The following HTRA1 variants were observed in gnomAD, a reference collection of about 807,000 sequenced individuals.
HTRA1 encodes the protein HtrA serine peptidase 1, also known as serine protease HTRA1.
In HTRA1, 26 loss-of-function variants were observed where a neutral mutation model predicts 49.7. The observed-to-expected ratio is 0.52, with a 90% CI of 0.38 to 0.73. The LOEUF (loss-of-function observed/expected upper bound fraction) is 0.73, where lower values mean the gene tolerates loss of function less well. Ranked by LOEUF, HTRA1 falls within the 30% of genes least tolerant of loss-of-function variation. The pLI is 0.00. For missense variants in HTRA1, 561 were observed against 667.2 expected (o/e 0.84, Z 1.75); for synonymous variants, 291 against 286.9 (o/e 1.01, Z -0.14).
At chr10:122,484,836 A>T (rs967998264) in intron 1 of HTRA1, among the ~76,000 whole-genome samples, 4 of 152,226 alleles carry the variant, frequency 2.6e-5, no homozygotes, top group Non-Finnish European at 4.4e-5. Context: ...CTGATAGACG[A>T]GGAAACAGAA....
chr10:122,510,569 C>T (rs568266452), intron 7 of HTRA1, among the ~76,000 whole-genome samples: 3 of 152,134 alleles, frequency 2.0e-5, no homozygotes, highest in Admixed American at 6.5e-5. Flanking sequence ...CTCTGCAGCT[C>T]GTGGGCCGCG....
Position 122,461,959 on chromosome 10 carries a change from C to T in HTRA1, c.307C>T (p.Arg103Trp). ...FGVPASATVR[R>W]RAQAGLCVCA... ...GGTGCCAGCCTCGGCCACGGTGCGGCGGCGCGCGCAGGCCGGCCTCTGTGT... is the reference window on the plus strand; with the variant it reads ...GGTGCCAGCCTCGGCCACGGTGCGGTGGCGCGCGCAGGCCGGCCTCTGTGT... Residue 103 changes from arginine (R) to tryptophan (W), a missense_variant, in exon 1 of 9, where the codon CGG becomes TGG. Coordinates refer to ENST00000368984, the MANE Select transcript of HTRA1 (RefSeq NM_002775.5). 1 of 1,501,412 alleles carries T rather than the reference C, an allele frequency of 6.7e-7. No individual in the cohort carries two copies. The highest frequency in any genetic ancestry group is 8.8e-7 in the Non-Finnish European group (1 of 1,132,554). 93.0% of individuals were successfully genotyped at this position (1,501,412 alleles called of 1,614,324 possible). A position where few individuals can be genotyped will look rare whatever the true frequency, so the allele number is the denominator to read the frequency against.
intron 1 of HTRA1, among the ~76,000 whole-genome samples, chr10:122,480,876 A>G (rs1320469282): frequency 6.6e-6 from 1 of 152,208 alleles, no homozygotes; most frequent in East Asian, 1.9e-4. Context: ...GATTGAAAAA[A>G]GAAAATGCCC....
intron 1 of HTRA1, among the ~76,000 whole-genome samples, chr10:122,465,239 C>A (rs977639564): frequency 1.1e-4 from 16 of 152,134 alleles, no homozygotes; most frequent in African/African-American, 3.9e-4. Flanking sequence ...GGAAAGTATA[C>A]AATTCAGCTA....
intron 1 of HTRA1, among the ~76,000 whole-genome samples, chr10:122,472,977 T>C (rs1430953630): frequency 6.6e-6 from 1 of 152,154 alleles, no homozygotes; most frequent in South Asian, 2.1e-4. Flanking sequence ...AATTTCAACC[T>C]CGTAAGTCAC....
chr10:122,509,681 G>A (rs925030106), intron 6 of HTRA1, among the ~76,000 whole-genome samples: 1 of 152,164 alleles, frequency 6.6e-6, no homozygotes, highest in African/African-American at 2.4e-5. Flanking sequence ...GATGGCTGCG[G>A]GGAGTCTGCT....
chr10:122,510,252 T>C, intron 7 of HTRA1, 99 bp downstream of exon 7: 1 of 913,590 alleles, frequency 1.1e-6, no homozygotes, highest in Non-Finnish European at 1.8e-6. Context: ...TTATGCTGCC[T>C]TAAGACGTCT....
intron 8 of HTRA1, 133 bp downstream of exon 8, chr10:122,512,198 G>T: frequency 1.3e-6 from 1 of 766,608 alleles, no homozygotes; most frequent in South Asian, 1.4e-5. Context: ...GTCGGACGTT[G>T]CTTGTCATTC....
In HTRA1 at chr10:122,508,743, A is replaced by G. The variant is rs757982099; in HGVS notation, c.1093A>G (p.Thr365Ala). 1.2e-6 allele frequency: 2 copies of G among 1,612,920 alleles called. No homozygotes were observed. Among genetic ancestry groups the G allele is most frequent in the Admixed American group, 3.3e-5 (2 of 60,034 alleles). ...ATCTGATAAGATTAAAAAGTTCCTC[A>G]CGGAGTCCCATGACCGACAGGCCAA... is the stretch of plus-strand genomic sequence containing the variant. Reference protein sequence around the residue: ...IPSDKIKKFLTESHDRQAKGK... With the variant: ...IPSDKIKKFLAESHDRQAKGK... Residue 365 changes from threonine (T) to alanine (A), a missense_variant, in exon 6 of 9, where the codon ACG becomes GCG. This residue lies in a region of HTRA1 where 179 missense variants were observed against 173.4 expected (regional missense o/e 1.03). Transcript: ENST00000368984.
chr10:122,478,354 G>GC (rs2097489523), intron 1 of HTRA1, among the ~76,000 whole-genome samples: 1 of 150,262 alleles, frequency 6.7e-6, no homozygotes. Flanking sequence ...GACTGTATCA[G>GC]CCCCCGCAGA....
chr10:122,463,988 C>T (rs1215354619), intron 1 of HTRA1, among the ~76,000 whole-genome samples: 1 of 152,178 alleles, frequency 6.6e-6, no homozygotes, highest in African/African-American at 2.4e-5. Flanking sequence ...CTGGCTGTGC[C>T]CCGTGCCCTG....
In HTRA1 at chr10:122,506,258, C is replaced by T. The variant is rs1022533952; in HGVS notation, c.778-433C>T. Reference sequence around the variant, plus strand: ...GATGAGTCGGGGCAGGTTTCACTGCCTGTAGCTTGGGATCCTTCCCTGGGG... The same window carrying T: ...GATGAGTCGGGGCAGGTTTCACTGCTTGTAGCTTGGGATCCTTCCCTGGGG... On this transcript the variant is annotated intron_variant, in intron 3 of 8. Coordinates refer to ENST00000368984, the MANE Select transcript of HTRA1 (RefSeq NM_002775.5). This position sits in a 1 kb window ranked among gnomAD's most constrained non-coding sequence, Gnocchi z 5.2. 1.3e-5 allele frequency among the ~76,000 whole-genome samples: 2 copies of T among 152,152 alleles called. No homozygotes were observed. Among genetic ancestry groups the T allele is most frequent in the African/African-American group, 4.8e-5 (2 of 41,438 alleles).
chr10:122,464,869 G>A lies in HTRA1; in HGVS notation c.472+2745G>A, dbSNP rs1201319219. Among the ~76,000 whole-genome samples the A allele has an allele frequency of 6.6e-6, 1 of 152,174 alleles. No individual in the cohort carries two copies. The highest frequency in any genetic ancestry group is 1.5e-5 in the Non-Finnish European group (1 of 68,038). ...TGCCATGGACATGAGCCTTTTCTAG[G>A]GGTGCCACTTGACTAGAGGCCTGGA... On this transcript the variant is annotated intron_variant, in intron 1 of 8. Transcript: ENST00000368984. The surrounding 1 kb of genome is among the most constrained non-coding windows in gnomAD (Gnocchi z 4.8).
At chr10:122,469,053 C>T (rs1026807269) in intron 1 of HTRA1, among the ~76,000 whole-genome samples, 27 of 152,200 alleles carry the variant, frequency 1.8e-4, no homozygotes, top group Non-Finnish European at 4.0e-4. Flanking sequence ...TCCTTGTGCA[C>T]ACAAAAGTCT....
At chr10:122,488,825 T>A in intron 1 of HTRA1, 77 bp from the exon 2 acceptor site, 2 of 1,172,082 alleles carry the variant, frequency 1.7e-6, no homozygotes, top group Non-Finnish European at 2.6e-6. Context: ...GCATCTTGGC[T>A]TCCTCTAACC....
At chr10:122,507,638 A>G (rs572389639) in intron 5 of HTRA1, among the ~76,000 whole-genome samples, 1 of 152,146 alleles carries the variant, frequency 6.6e-6, no homozygotes, top group South Asian at 2.1e-4. Context: ...AGGGTTGGAA[A>G]TGTTATGCCA....
chr10:122,496,225 G>GTTTTGTTTTTTTTTTTTTTTTT (rs1287521208), intron 3 of HTRA1, among the ~76,000 whole-genome samples: 2 of 80,384 alleles, frequency 2.5e-5, no homozygotes, highest in Admixed American at 1.5e-4. Context: ...GAGATTGTGG[G>GTTTTGTTTTTTTTTTTTTTTTT]TTCTTTTTTT....
rs377713693 is a variant in HTRA1 at position 122,512,114 on chromosome 10, G to A, written c.1274+49G>A. On this transcript the variant is annotated intron_variant, in intron 8 of 8. Coordinates refer to ENST00000368984, the MANE Select transcript of HTRA1 (RefSeq NM_002775.5). Reference sequence around the variant, plus strand: ...TTCCCAATATTCTTGTTGTTCCTGTGGGGGTAGCAGGAAGAGGGAGCGCTG... The same window carrying A: ...TTCCCAATATTCTTGTTGTTCCTGTAGGGGTAGCAGGAAGAGGGAGCGCTG... The A allele has an allele frequency of 2.4e-5, 31 of 1,301,996 alleles. No homozygotes were observed. The African/African-American group carries it at 3.9e-4, about 16-fold the overall frequency. 80.7% of individuals were successfully genotyped at this position (1,301,996 alleles called of 1,614,324 possible). A position where few individuals can be genotyped will look rare whatever the true frequency, so the allele number is the denominator to read the frequency against.
intron 1 of HTRA1, among the ~76,000 whole-genome samples, chr10:122,462,790 A>G (rs2097482106): frequency 6.6e-6 from 1 of 152,224 alleles, no homozygotes; most frequent in South Asian, 2.1e-4. Flanking sequence ...CTCCTTTTGA[A>G]TAAGCTGAAT....
Sources: gnomAD v4.1 joint callset for allele counts (sites outside exome capture counted in the v4.1 genomes callset) on GRCh38, gnomAD v4.1.1 for gene constraint, gnomAD v4.1.1 regional missense constraint, Gnocchi (gnomAD v3.1) non-coding constraint, MANE v1.5 for transcripts, NCBI Gene and HGNC (gene_info 2026-07-23, HGNC 2026-07-21) for gene names.